Variants in ATG3 observed in about 807,000 individuals in gnomAD.
The protein encoded by ATG3 is ubiquitin-like-conjugating enzyme ATG3.
Under a neutral mutation model 50.7 loss-of-function variants are expected in ATG3, and 25 were observed. The observed-to-expected ratio is 0.49, with a 90% CI of 0.36 to 0.69. The LOEUF is 0.69. Ranked by LOEUF, ATG3 falls within the 30% of genes least tolerant of loss-of-function variation. The probability of loss-of-function intolerance (pLI) is 0.00; values close to 1 mark genes in which losing one functional copy is unlikely to be tolerated. For missense variants in ATG3, 281 were observed against 376.0 expected, an observed-to-expected ratio of 0.75 and a Z score of 2.09; for synonymous variants, 119 against 125.5, an observed-to-expected ratio of 0.95 and a Z score of 0.34.
chr3:112,554,079 T>A (rs1933599510), intron 2 of ATG3, among the ~76,000 whole-genome samples: 1 of 152,226 alleles, frequency 6.6e-6, no homozygotes, highest in South Asian at 2.1e-4. Context: ...TTGAGAATTA[T>A]CAGTTTACAC....
intron 3 of ATG3, 101 bp downstream of exon 3, chr3:112,553,179 T>C (rs533884378): frequency 1.7e-4 from 161 of 962,512 alleles, no homozygotes; most frequent in Non-Finnish European, 2.4e-4. Flanking sequence ...AAAGTTAAAC[T>C]GGTCATTCTA....
chr3:112,543,571 A>C (rs1933289845), intron 6 of ATG3, among the ~76,000 whole-genome samples: 1 of 152,122 alleles, frequency 6.6e-6, no homozygotes, highest in South Asian at 2.1e-4. Flanking sequence ...CAGTAATTGA[A>C]GAAAATACAG....
intron 7 of ATG3, 152 bp downstream of exon 7, chr3:112,541,651 A>C (rs890814529): frequency 1.6e-6 from 1 of 635,550 alleles, no homozygotes; most frequent in Non-Finnish European, 2.7e-6. Context: ...GTTTTACACT[A>C]ATGAAATTTA....
intron 5 of ATG3, 57 bp downstream of exon 5, chr3:112,548,476 A>G: frequency 1.4e-6 from 2 of 1,385,426 alleles, no homozygotes; most frequent in South Asian, 2.4e-5. Context: ...GCTATTATAA[A>G]AGATTGTGAA....
At chr3:112,533,833 A>C in intron 11 of ATG3, 1 of 987,394 alleles carries the variant, frequency 1.0e-6, no homozygotes, top group Non-Finnish European at 1.2e-6. Context: ...TATTTTAAGA[A>C]TATCTAAAGC....
intron 1 of ATG3, among the ~76,000 whole-genome samples, chr3:112,560,714 G>A (rs758579708): frequency 6.6e-6 from 1 of 152,008 alleles, no homozygotes; most frequent in Non-Finnish European, 1.5e-5. Context: ...GGCAGTTGTA[G>A]AAATTTACCT....
chr3:112,552,078 A>G (rs1016043724), intron 3 of ATG3, among the ~76,000 whole-genome samples: 1 of 152,238 alleles, frequency 6.6e-6, no homozygotes, highest in Non-Finnish European at 1.5e-5. Context: ...CTAGAAAAAC[A>G]TTATCAATTG....
At chr3:112,536,920 C>CAAAAA (rs56353465) in intron 9 of ATG3, among the ~76,000 whole-genome samples, 5 of 68,420 alleles carry the variant, frequency 7.3e-5, no homozygotes, top group Admixed American at 2.2e-4. Flanking sequence ...GACTCCATCT[C>CAAAAA]AAAAAAAAAA....
chr3:112,548,020 AT>A (rs1933414928), intron 5 of ATG3, among the ~76,000 whole-genome samples: 1 of 152,128 alleles, frequency 6.6e-6, no homozygotes, highest in African/African-American at 2.4e-5. Flanking sequence ...AGAAAATAAT[AT>A]TTTCAAATTG....
intron 4 of ATG3, among the ~76,000 whole-genome samples, chr3:112,549,386 C>T (rs946814759): frequency 4.6e-5 from 7 of 152,146 alleles, no homozygotes; most frequent in African/African-American, 1.7e-4. Context: ...AACTGCTGTT[C>T]TGTTCACTTT....
chr3:112,548,526 C>T lies in ATG3; in HGVS notation c.343+7G>A. 1.9e-6 allele frequency: 3 copies of T among 1,588,462 alleles called. No individual in the cohort carries two copies. Among genetic ancestry groups the T allele is most frequent in the Non-Finnish European group, 2.6e-6 (3 of 1,156,922 alleles). ...ACTAAATATATGTCATTTTATTCTCCTCTTACCTGTGTTGTGATATGTATC... is the reference window on the plus strand; with the variant it reads ...ACTAAATATATGTCATTTTATTCTCTTCTTACCTGTGTTGTGATATGTATC... On this transcript the variant is annotated splice_region_variant and intron_variant, in intron 5 of 11. Coordinates refer to ENST00000283290, the MANE Select transcript of ATG3 (RefSeq NM_022488.5).
chr3:112,549,171 T>C (rs2952325), intron 4 of ATG3, among the ~76,000 whole-genome samples: 23,063 of 152,128 alleles, frequency 0.15, 4,049 homozygotes, highest in African/African-American at 0.42. Flanking sequence ...TTTTACTTCT[T>C]TATACCACAC....
rs1235384122 is a variant in ATG3 at position 112,537,742 on chromosome 3, T to A, written c.659A>T (p.Tyr220Phe). Residue 220 changes from tyrosine to phenylalanine, a missense_variant, in exon 9 of 12, where the codon TAT (tyrosine) becomes TTT (phenylalanine). By Grantham distance (22) the Tyr-to-Phe change is conservative. Coordinates refer to ENST00000283290, the MANE Select transcript of ATG3 (RefSeq NM_022488.5). ...AATGCTTTTCATTTTTACCTCATCA[T>A]AGCCAAACAACCATAATCGTGGAGT... is the stretch of plus-strand genomic sequence containing the variant. The part of the protein sequence containing the change: ...YQTPRLWLFG[Y>F]DEQRQPLTVE... The A allele has an allele frequency of 6.4e-7, 1 of 1,573,200 alleles. No homozygotes were observed.
At chr3:112,545,483 C>G (rs1045686593) in intron 5 of ATG3, among the ~76,000 whole-genome samples, 7 of 152,146 alleles carry the variant, frequency 4.6e-5, no homozygotes, top group Non-Finnish European at 7.4e-5. Context: ...GATGTCTGTT[C>G]AACATGCCTA....
chr3:112,553,477 C>G, intron 2 of ATG3, 148 bp from the exon 3 acceptor site: 1 of 575,230 alleles, frequency 1.7e-6, no homozygotes, highest in Non-Finnish European at 3.1e-6. Flanking sequence ...AACAAAGCTG[C>G]TCTACCAGCC....
intron 9 of ATG3, 76 bp from the exon 10 acceptor site, chr3:112,536,678 G>GC: frequency 6.7e-7 from 1 of 1,503,364 alleles, no homozygotes; most frequent in Non-Finnish European, 9.1e-7. Context: ...TCCCAGCACT[G>GC]TGGGAGACTG....
chr3:112,549,804 A>AC (rs1559846861), intron 4 of ATG3, among the ~76,000 whole-genome samples: 3 of 150,682 alleles, frequency 2.0e-5, no homozygotes, highest in African/African-American at 7.3e-5. Context: ...CAACCAAAAA[A>AC]AAAAAAAAAA....
intron 6 of ATG3, 98 bp downstream of exon 6, chr3:112,543,958 TA>T (rs1258305943): frequency 2.3e-6 from 2 of 857,888 alleles, no homozygotes; most frequent in Non-Finnish European, 3.5e-6. Flanking sequence ...CCAGGGTTTT[TA>T]TAAGAAAGAT....
chr3:112,544,114 A>C lies in ATG3; in HGVS notation c.344-8T>G. On this transcript the variant is annotated splice_region_variant and splice_polypyrimidine_tract_variant and intron_variant, in intron 5 of 11. Coordinates refer to ENST00000283290, the MANE Select transcript of ATG3 (RefSeq NM_022488.5). ...CCGTTATTCCTGTAATACCTATGTA[A>C]AATTCGGCAGAAAAGAATAACTAAA... 6.3e-7 allele frequency: 1 copy of C among 1,594,372 alleles called. No individual in the cohort carries two copies. The highest frequency in any genetic ancestry group is 1.1e-5 in the South Asian group (1 of 90,440).
Sources: gnomAD v4.1 joint callset for allele counts (sites outside exome capture counted in the v4.1 genomes callset) on GRCh38, gnomAD v4.1.1 for gene constraint, MANE v1.5 for transcripts, NCBI Gene and HGNC (gene_info 2026-07-23, HGNC 2026-07-21) for gene names.